The following C7 variants were observed in gnomAD, a reference collection of about 807,000 sequenced individuals.
C7 encodes complement component C7.
Under a neutral mutation model 104.8 loss-of-function variants are expected in C7, and 83 were observed. That is an observed-to-expected ratio of 0.79 (90% CI 0.66 to 0.95). The LOEUF is 0.95. Ranked by LOEUF, C7 falls within the 40% of genes least tolerant of loss-of-function variation. The probability of loss-of-function intolerance (pLI) is 0.00; values close to 1 mark genes in which losing one functional copy is unlikely to be tolerated. For missense variants in C7, 1,070 were observed against 1,011.2 expected (o/e 1.06, Z -0.79); for synonymous variants, 415 against 360.6 (o/e 1.15, Z -1.71).
chr5:40,975,003 A>G (rs1269570626), intron 15 of C7, among the ~76,000 whole-genome samples: 1 of 152,190 alleles, frequency 6.6e-6, no homozygotes, highest in African/African-American at 2.4e-5. Context: ...TGCAGTTGTA[A>G]AAACCAAAGA....
At position 40,959,519 on chromosome 5, in the gene C7, C is replaced by T. The variant is rs1243940415; in HGVS notation, c.1560C>T (p.Ser520=). ...GTGTCCAAGGGAAGAAAACAAGAAG[C>T]CGTGAATGCAATAACCCACCTCCCA... ...SPCVQGKKTR[S]RECNNPPPSG... is the part of the protein sequence containing the mutation. The change falls in exon 12 of 18, where the codon AGC becomes AGT. Residue 520 remains serine (S), a synonymous_variant. Coordinates refer to ENST00000313164, the MANE Select transcript of C7 (RefSeq NM_000587.4). 2 of 1,611,584 alleles carry T rather than the reference C, an allele frequency of 1.2e-6. No individual in the cohort carries two copies. Among genetic ancestry groups the T allele is most frequent in the South Asian group, 1.1e-5 (1 of 90,742 alleles).
At chr5:40,936,302 C>A (rs1470923262) in intron 4 of C7, 36 bp from the exon 5 acceptor site, 3 of 1,611,060 alleles carry the variant, frequency 1.9e-6, no homozygotes, top group African/African-American at 1.3e-5. Flanking sequence ...CCTCTTCCCT[C>A]TTTTACATTT....
chr5:40,969,151 A>G (rs1016216225), intron 14 of C7, among the ~76,000 whole-genome samples: 1 of 152,110 alleles, frequency 6.6e-6, no homozygotes, highest in Non-Finnish European at 1.5e-5. Context: ...ATATTTAAAA[A>G]TATTAAAATT....
At position 40,983,694 on chromosome 5, in the gene C7, T is replaced by G. The variant is rs1741002787; in HGVS notation, c.*2121T>G. On this transcript the variant is annotated 3_prime_UTR_variant, in exon 18 of 18. Coordinates refer to ENST00000313164, the MANE Select transcript of C7 (RefSeq NM_000587.4). ...GAGAAAGTCATTTTTAAGATTAAAT[T>G]TTTAAAAATGTTTTGAAACTTCCAA... 1.3e-5 allele frequency among the ~76,000 whole-genome samples: 2 copies of G among 152,158 alleles called. No individual in the cohort carries two copies. Among genetic ancestry groups the G allele is most frequent in the Non-Finnish European group, 2.9e-5 (2 of 68,040 alleles).
At chr5:40,947,544 T>C in intron 7 of C7, 58 bp from the exon 8 acceptor site, 2 of 1,584,154 alleles carry the variant, frequency 1.3e-6, no homozygotes. Context: ...AGAGAACTAT[T>C]TCCATTGCCT....
chr5:40,936,584 A>T (rs1242387555), intron 5 of C7, 99 bp downstream of exon 5: 7 of 1,110,428 alleles, frequency 6.3e-6, no homozygotes, highest in Non-Finnish European at 1.3e-6. Flanking sequence ...GTCTTCTAAT[A>T]GGCAAGATTA....
At chr5:40,925,748 G>C (rs1190256710) in intron 1 of C7, among the ~76,000 whole-genome samples, 1 of 152,140 alleles carries the variant, frequency 6.6e-6, no homozygotes, top group Non-Finnish European at 1.5e-5. Context: ...AAACCTGCAG[G>C]GAGATTTTAC....
intron 14 of C7, among the ~76,000 whole-genome samples, chr5:40,966,518 A>G (rs1460101597): frequency 2.6e-5 from 4 of 151,932 alleles, no homozygotes; most frequent in African/African-American, 9.7e-5. Flanking sequence ...AGCTGGGACT[A>G]CAGGTGCACA....
rs141949818 is a variant in C7 at position 40,948,599 on chromosome 5, G to C, written c.982+754G>C. ...CATACCCCTGAATTAATGCTTTGTT[G>C]ATTTCATATTGAGAGAAGAGTCCTC... On this transcript the variant is annotated intron_variant, in intron 8 of 17. Coordinates refer to ENST00000313164, the MANE Select transcript of C7 (RefSeq NM_000587.4). 5.4e-4 allele frequency among the ~76,000 whole-genome samples: 82 copies of C among 152,262 alleles called. No homozygotes were observed. The East Asian group carries it at 0.011, about 20-fold the overall frequency.
chr5:40,979,596 C>CTTT (rs35148902), intron 16 of C7, 129 bp from the exon 17 acceptor site: 13 of 512,004 alleles, frequency 2.5e-5, no homozygotes, highest in South Asian at 1.5e-4. Context: ...GAGTTTCCAC[C>CTTT]TTTTTTTTTT....
intron 17 of C7, among the ~76,000 whole-genome samples, chr5:40,980,608 G>C (rs1740922053): frequency 6.6e-6 from 1 of 152,216 alleles, no homozygotes; most frequent in Admixed American, 6.5e-5. Context: ...GCAGTACTAT[G>C]AAAGTGGAAT....
chr5:40,938,128 T>C (rs1278017585), intron 6 of C7, among the ~76,000 whole-genome samples: 1 of 152,146 alleles, frequency 6.6e-6, no homozygotes, highest in East Asian at 1.9e-4. Context: ...TGAAGAAAAC[T>C]GCCCTTATAT....
chr5:40,964,624 C>T (rs1235230077), intron 13 of C7, 117 bp from the exon 14 acceptor site: 17 of 839,936 alleles, frequency 2.0e-5, no homozygotes, highest in South Asian at 1.2e-4. Flanking sequence ...TTTTCTGAAT[C>T]AATTAAATGT....
At chr5:40,910,113 G>T (rs1017555620) in intron 1 of C7, among the ~76,000 whole-genome samples, 46 of 151,820 alleles carry the variant, frequency 3.0e-4, no homozygotes, top group Non-Finnish European at 1.2e-4. Context: ...AGTCAGCATT[G>T]TGAGAATAGA....
intron 1 of C7, among the ~76,000 whole-genome samples, chr5:40,922,101 G>A (rs1183228969): frequency 1.3e-5 from 2 of 151,440 alleles, no homozygotes; most frequent in African/African-American, 4.9e-5. Flanking sequence ...TGGAGGCCAT[G>A]TGCAGTGGCT....
intron 14 of C7, among the ~76,000 whole-genome samples, chr5:40,969,879 T>G (rs1356308531): frequency 6.6e-6 from 1 of 152,150 alleles, no homozygotes; most frequent in Admixed American, 6.6e-5. Context: ...CTTTCAAACT[T>G]GCACTGCCTT....
rs376291154 is a variant in C7 at position 40,958,245 on chromosome 5, C to A, written c.1473C>A (p.Leu491=). 4 of 1,605,122 alleles carry A rather than the reference C, an allele frequency of 2.5e-6. No homozygotes were observed. Among genetic ancestry groups the A allele is most frequent in the Non-Finnish European group, 3.4e-6 (4 of 1,174,822 alleles). ...GTGCGGCGTGTGAGCAAGGAGTCCT[C>A]GTAGGGAATCAAGCAGGTCAGTGGG... is the stretch of plus-strand genomic sequence containing the variant. ...TFGAACEQGV[L]VGNQAGGVDG... is the part of the protein sequence containing the mutation. Residue 491 remains leucine (L), a synonymous_variant, in exon 11 of 18, where the codon CTC becomes CTA. Coordinates refer to ENST00000313164, the MANE Select transcript of C7 (RefSeq NM_000587.4).
intron 10 of C7, among the ~76,000 whole-genome samples, chr5:40,957,782 T>A (rs1357559989): frequency 6.6e-6 from 1 of 151,538 alleles, no homozygotes; most frequent in Admixed American, 6.6e-5. Flanking sequence ...TTTTTTTTTT[T>A]AAATCTTACG....
At chr5:40,975,905 A>C (rs1391712763) in intron 15 of C7, among the ~76,000 whole-genome samples, 1 of 152,206 alleles carries the variant, frequency 6.6e-6, no homozygotes. Flanking sequence ...ATGATGCAAA[A>C]GTGTATGGCA....
Sources: gnomAD v4.1 joint callset for allele counts (sites outside exome capture counted in the v4.1 genomes callset) on GRCh38, gnomAD v4.1.1 for gene constraint, MANE v1.5 for transcripts, NCBI Gene and HGNC (gene_info 2026-07-23, HGNC 2026-07-21) for gene names.